Variants in NCKAP5 observed in about 807,000 individuals in gnomAD.
The protein encoded by NCKAP5 is nck-associated protein 5.
NCKAP5 carries 92 observed loss-of-function variants against 167.0 expected under a neutral mutation model. The ratio of observed to expected loss-of-function variants is 0.55; its 90% CI spans 0.47 to 0.66. The LOEUF (loss-of-function observed/expected upper bound fraction) is 0.66. Among genes scored for constraint, NCKAP5 ranks in the 30% least tolerant of loss-of-function variants. NCKAP5 has a pLI of 0.00. For missense variants in NCKAP5, 2,378 were observed against 2,315.0 expected (o/e 1.03, Z -0.56); for synonymous variants, 891 against 877.4 (o/e 1.02, Z -0.27).
intron 5 of NCKAP5, among the ~76,000 whole-genome samples, chr2:133,159,016 A>G (rs546848882): frequency 2.0e-5 from 3 of 152,036 alleles, no homozygotes; most frequent in African/African-American, 7.2e-5. Context: ...TGCAGATGTC[A>G]TTAAGGTTAC....
At chr2:133,167,465 T>C (rs1215555096) in intron 5 of NCKAP5, among the ~76,000 whole-genome samples, 1 of 152,182 alleles carries the variant, frequency 6.6e-6, no homozygotes, top group Non-Finnish European at 1.5e-5. Context: ...CATATTAATA[T>C]TAACATATTT....
At chr2:133,055,750 A>G (rs1255038371) in intron 6 of NCKAP5, among the ~76,000 whole-genome samples, 1 of 152,118 alleles carries the variant, frequency 6.6e-6, no homozygotes. Flanking sequence ...TATAATAGCC[A>G]GATGCAGAGC....
intron 3 of NCKAP5, among the ~76,000 whole-genome samples, chr2:133,461,214 T>A (rs1233339883): frequency 6.6e-6 from 1 of 152,182 alleles, no homozygotes; most frequent in Admixed American, 6.5e-5. Context: ...AAACATTATT[T>A]ATCTTTGAGA....
chr2:132,967,202 TACAC>T (rs1422730800), intron 7 of NCKAP5, among the ~76,000 whole-genome samples: 1 of 120,108 alleles, frequency 8.3e-6, no homozygotes, highest in East Asian at 2.5e-4. Flanking sequence ...CACACACACA[TACAC>T]ACACACATAC....
At chr2:133,228,221 C>A (rs143693914) in intron 4 of NCKAP5, among the ~76,000 whole-genome samples, 1 of 152,122 alleles carries the variant, frequency 6.6e-6, no homozygotes, top group East Asian at 1.9e-4. Flanking sequence ...TAGAGTCTAC[C>A]ACATGGGTCG....
intron 4 of NCKAP5, 26 bp from the exon 5 acceptor site, chr2:133,213,805 G>C: frequency 6.2e-7 from 1 of 1,612,358 alleles, no homozygotes; most frequent in African/African-American, 1.3e-5. Context: ...CACATGATTA[G>C]TTGACCATTC....
At chr2:132,724,636 G>A (rs975810634) in intron 19 of NCKAP5, among the ~76,000 whole-genome samples, 1 of 152,088 alleles carries the variant, frequency 6.6e-6, no homozygotes, top group Non-Finnish European at 1.5e-5. Flanking sequence ...ACCACAAAGA[G>A]CCAACAGGGA....
chr2:133,258,107 G>A (rs576832577), intron 4 of NCKAP5, among the ~76,000 whole-genome samples: 147 of 152,130 alleles, frequency 9.7e-4, no homozygotes, highest in Non-Finnish European at 1.5e-3. Flanking sequence ...TATTGAGAAA[G>A]CATTTGGACT....
chr2:133,674,626 T>A, the NCKAP5 span, among the ~76,000 whole-genome samples: 1 of 151,514 alleles, frequency 6.6e-6, no homozygotes. Context: ...TATACCAACA[T>A]CAACATTCAA....
intron 16 of NCKAP5, among the ~76,000 whole-genome samples, chr2:132,738,794 T>C (rs1045757183): frequency 2.0e-5 from 3 of 151,332 alleles, no homozygotes; most frequent in East Asian, 1.9e-4. Context: ...GTGTGTTACA[T>C]GGTGAGAGAG....
intron 4 of NCKAP5, among the ~76,000 whole-genome samples, chr2:133,300,954 C>CA (rs1680347413): frequency 1.3e-5 from 1 of 76,750 alleles, no homozygotes; most frequent in African/African-American, 6.2e-5. Flanking sequence ...AATCAATGTA[C>CA]AAAAATCACA....
chr2:133,107,205 C>T (rs964507718), intron 6 of NCKAP5, among the ~76,000 whole-genome samples: 4 of 152,176 alleles, frequency 2.6e-5, no homozygotes, highest in African/African-American at 9.7e-5. Context: ...GGGACCACGG[C>T]CAGCGCCCAC....
At chr2:133,286,729 A>G (rs929642738) in intron 4 of NCKAP5, among the ~76,000 whole-genome samples, 2 of 152,232 alleles carry the variant, frequency 1.3e-5, no homozygotes, top group African/African-American at 4.8e-5. Context: ...ACAGGTGGCC[A>G]TGACTAAATG....
At chr2:133,143,922 T>C (rs950821775) in intron 5 of NCKAP5, among the ~76,000 whole-genome samples, 1 of 152,104 alleles carries the variant, frequency 6.6e-6, no homozygotes, top group Non-Finnish European at 1.5e-5. Flanking sequence ...ACTGCCTCTC[T>C]TTACAGGTAT....
chr2:132,931,548 C>A (rs573988623), intron 8 of NCKAP5: 2 of 152,294 alleles, frequency 1.3e-5, no homozygotes, highest in East Asian at 3.9e-4. Context: ...GTCAGGCTAA[C>A]TTCCTTACTT....
In NCKAP5 at chr2:132,785,385, C is replaced by T. The variant is rs747806874; in HGVS notation, c.1426G>A (p.Val476Ile). Residue 476 changes from valine (V) to isoleucine (I), a missense_variant, in exon 14 of 20, where the codon GTT (valine) becomes ATT (isoleucine). By Grantham distance (29) the Val-to-Ile change is conservative (BLOSUM62 3). This residue lies in a region of NCKAP5 where 1,049 missense variants were observed against 1,023.4 expected (regional missense o/e 1.02). Transcript: ENST00000409261. ...GTGGAAGGGTCATCGTCCGCATCAA[C>T]GTGGGAATCTAGATCATAAACAAAT... ...KTFVYDLDSH[V>I]DADDDPSTLA... 1.1e-5 allele frequency: 18 copies of T among 1,613,968 alleles called. No individual in the cohort carries two copies. Among genetic ancestry groups the T allele is most frequent in the East Asian group, 2.2e-5 (1 of 44,876 alleles).
At chr2:132,925,258 T>C (rs1330741660) in intron 8 of NCKAP5, among the ~76,000 whole-genome samples, 1 of 151,942 alleles carries the variant, frequency 6.6e-6, no homozygotes, top group Non-Finnish European at 1.5e-5. Context: ...TGCACTCCTA[T>C]AAGAATCTAA....
chr2:133,298,336 T>C (rs1266237524), intron 4 of NCKAP5, among the ~76,000 whole-genome samples: 1 of 152,220 alleles, frequency 6.6e-6, no homozygotes, highest in African/African-American at 2.4e-5. Context: ...TCTATTGTTA[T>C]TTAAATGGAG....
At chr2:133,498,626 G>A (rs986606104) in intron 3 of NCKAP5, among the ~76,000 whole-genome samples, 1 of 150,962 alleles carries the variant, frequency 6.6e-6, no homozygotes, top group Non-Finnish European at 1.5e-5. Context: ...AGATAAATAT[G>A]TACAACTTTT....
Sources: allele counts gnomAD v4.1 joint callset (sites outside exome capture counted in the v4.1 genomes callset), GRCh38; gene constraint gnomAD v4.1.1; regional missense constraint gnomAD v4.1.1; transcripts MANE v1.5; gene names NCBI Gene and HGNC (gene_info 2026-07-23, HGNC 2026-07-21).